Variants in XRN1 observed in about 807,000 individuals in gnomAD.
The protein encoded by XRN1 is strand-exchange protein 1 homolog.
In XRN1, 67 loss-of-function variants were observed where a neutral mutation model predicts 222.3. That is an observed-to-expected ratio of 0.30 (90% CI 0.25 to 0.37). The LOEUF is 0.37. Ranked by LOEUF, XRN1 falls within the 10% of genes least tolerant of loss-of-function variation. The pLI is 1.00. For missense variants in XRN1, 1,707 were observed against 2,000.2 expected (o/e 0.85, Z 2.80); for synonymous variants, 643 against 652.4 (o/e 0.99, Z 0.22).
intron 33 of XRN1, 79 bp from the exon 34 acceptor site, chr3:142,335,588 A>G: frequency 1.6e-6 from 2 of 1,264,712 alleles, no homozygotes. Flanking sequence ...TTATAATAGC[A>G]AGGCACTGTG....
At chr3:142,351,905 TAAA>T (rs36045093) in intron 32 of XRN1, among the ~76,000 whole-genome samples, 2 of 137,204 alleles carry the variant, frequency 1.5e-5, no homozygotes, top group Admixed American at 7.4e-5. Context: ...TTTTTTAAGT[TAAA>T]AAAAAAAAAA....
chr3:142,362,624 C>T (rs1353402309), intron 29 of XRN1, among the ~76,000 whole-genome samples: 6 of 145,096 alleles, frequency 4.1e-5, no homozygotes, highest in Non-Finnish European at 9.1e-5. Flanking sequence ...CCTCCCCTGG[C>T]CTTTTTCTTT....
intron 30 of XRN1, 21 bp from the exon 31 acceptor site, chr3:142,357,140 A>T: frequency 6.3e-7 from 1 of 1,578,720 alleles, no homozygotes; most frequent in Non-Finnish European, 8.6e-7. Flanking sequence ...AAGTTATATC[A>T]GGGTTGGAAG....
At chr3:142,423,962 G>C (rs1368164560) in intron 5 of XRN1, among the ~76,000 whole-genome samples, 6 of 151,986 alleles carry the variant, frequency 3.9e-5, no homozygotes, top group African/African-American at 1.2e-4. Context: ...TGGGGGAACT[G>C]GTTAGAAATT....
At chr3:142,375,428 G>A (rs946480242) in intron 25 of XRN1, among the ~76,000 whole-genome samples, 1 of 152,118 alleles carries the variant, frequency 6.6e-6, no homozygotes, top group Non-Finnish European at 1.5e-5. Context: ...ATAGTAACCT[G>A]TATAGCTACA....
At chr3:142,404,196 G>A (rs1014193338) in intron 16 of XRN1, among the ~76,000 whole-genome samples, 12 of 152,136 alleles carry the variant, frequency 7.9e-5, no homozygotes, top group Admixed American at 1.3e-4. Flanking sequence ...AGATTACTAA[G>A]TTGAGATTTT....
In XRN1 at chr3:142,329,611, A is replaced by T. The variant is rs140215996; in HGVS notation, c.4227T>A (p.Ser1409=). ...TAGCACTGTGAGGCTTGTTCATATAAGATGCTACCAAAAAAGAGAAAAGAG... is the reference window on the plus strand; with the variant it reads ...TAGCACTGTGAGGCTTGTTCATATATGATGCTACCAAAAAAGAGAAAAGAG... ...SQPKQNKKLA[S]YMNKPHSANE... is the part of the protein sequence containing the mutation. Residue 1409 remains serine, a synonymous_variant, in exon 37 of 41, where the codon TCT becomes TCA. Coordinates refer to ENST00000392981, the MANE Select transcript of XRN1 (RefSeq NM_001282857.2). 6.5e-7 allele frequency: 1 copy of T among 1,534,118 alleles called. No individual in the cohort carries two copies. Among genetic ancestry groups the T allele is most frequent in the Non-Finnish European group, 8.7e-7 (1 of 1,152,220 alleles).
At chr3:142,314,382 C>G (rs1045707226) in intron 39 of XRN1, among the ~76,000 whole-genome samples, 1 of 152,104 alleles carries the variant, frequency 6.6e-6, no homozygotes, top group Non-Finnish European at 1.5e-5. Context: ...AAACATTCCT[C>G]TTAAAAAATA....
intron 32 of XRN1, among the ~76,000 whole-genome samples, chr3:142,348,839 T>A (rs936951338): frequency 6.6e-6 from 1 of 152,198 alleles, no homozygotes; most frequent in Non-Finnish European, 1.5e-5. Flanking sequence ...GGGATCTTAT[T>A]ATGTTGCCCA....
chr3:142,387,922 C>A (rs1383995957), intron 20 of XRN1, among the ~76,000 whole-genome samples: 6 of 152,162 alleles, frequency 3.9e-5, no homozygotes. Flanking sequence ...GTGATCTGTA[C>A]ACGCCTGTTC....
At chr3:142,411,662 T>C (rs74497448) in intron 15 of XRN1, among the ~76,000 whole-genome samples, 2,548 of 152,212 alleles carry the variant, frequency 0.017, 74 homozygotes, top group African/African-American at 0.059. Flanking sequence ...AAATATTTTC[T>C]AATTTTTCTT....
At chr3:142,396,723 A>G (rs561833235) in intron 20 of XRN1, among the ~76,000 whole-genome samples, 16 of 152,302 alleles carry the variant, frequency 1.1e-4, no homozygotes, top group African/African-American at 3.8e-4. Context: ...TATACATTTA[A>G]AACATTTCAT....
At chr3:142,421,370 A>G (rs2069025752) in intron 9 of XRN1, 106 bp downstream of exon 9, 1 of 969,956 alleles carries the variant, frequency 1.0e-6, no homozygotes, top group African/African-American at 1.7e-5. Flanking sequence ...TTGAATAAGC[A>G]ATTGGAATAG....
intron 33 of XRN1, among the ~76,000 whole-genome samples, chr3:142,336,317 C>A (rs2065850011): frequency 1.3e-5 from 2 of 152,108 alleles, no homozygotes; most frequent in South Asian, 4.2e-4. Flanking sequence ...ATTGGATATA[C>A]TGGATTATAT....
chr3:142,318,585 A>G lies in XRN1; in HGVS notation c.4621+7T>C, dbSNP rs758002141. The G allele has an allele frequency of 1.9e-6, 3 of 1,591,456 alleles. No homozygotes were observed. The African/African-American group carries it at 4.0e-5, about 21-fold the overall frequency. On this transcript the variant is annotated splice_region_variant and intron_variant, in intron 39 of 40. Transcript: ENST00000392981. ...TGACAAATACTTATAAATGAAAAAT[A>G]TCTTACCAGTAGGTGGGGGAAAGGC...
chr3:142,412,631 T>C lies in XRN1; in HGVS notation c.1626A>G (p.Ile542Met). ...TTTTAAAATCAGGTGGGTAATATTC[T>C]ATAATTGGTGAGTCTTCATTGGTCA... is the stretch of plus-strand genomic sequence containing the variant. ...HLMTNEDSPI[I>M]EYYPPDFKTD... Residue 542 changes from isoleucine to methionine, a missense_variant, in exon 15 of 41, where the codon ATA becomes ATG. This residue lies in a region of XRN1 where 1,234 missense variants were observed against 1,518.2 expected (regional missense o/e 0.81). Transcript: ENST00000392981. 6.2e-7 allele frequency: 1 copy of C among 1,603,592 alleles called. No homozygotes were observed. The highest frequency in any genetic ancestry group is 1.3e-5 in the African/African-American group (1 of 74,974).
intron 21 of XRN1, among the ~76,000 whole-genome samples, 187 bp downstream of exon 21, chr3:142,384,336 A>G (rs2067417851): frequency 6.6e-6 from 1 of 151,912 alleles, no homozygotes; most frequent in South Asian, 2.1e-4. Context: ...CTAACTATAT[A>G]TACTGAGTGT....
At chr3:142,342,504 A>T (rs1259690706) in intron 33 of XRN1, among the ~76,000 whole-genome samples, 1 of 152,230 alleles carries the variant, frequency 6.6e-6, no homozygotes, top group Non-Finnish European at 1.5e-5. Context: ...GAGCAAAAGG[A>T]ACAAAACTGG....
chr3:142,353,326 T>C (rs918965537), intron 32 of XRN1, among the ~76,000 whole-genome samples: 1 of 152,160 alleles, frequency 6.6e-6, no homozygotes, highest in Non-Finnish European at 1.5e-5. Context: ...AATTCATGAT[T>C]ACATGGAACC....
Sources: gnomAD v4.1 joint callset for allele counts (sites outside exome capture counted in the v4.1 genomes callset) on GRCh38, gnomAD v4.1.1 for gene constraint, gnomAD v4.1.1 regional missense constraint, MANE v1.5 for transcripts, NCBI Gene and HGNC (gene_info 2026-07-23, HGNC 2026-07-21) for gene names.